Variants in KCND3 observed in about 807,000 individuals in gnomAD.
The protein encoded by KCND3 is potassium voltage-gated channel subfamily D member 3.
In KCND3, 9 loss-of-function variants were observed where a neutral mutation model predicts 51.1. That is an observed-to-expected ratio of 0.18 (90% CI 0.11 to 0.31). The LOEUF is 0.31. Ranked by LOEUF, KCND3 falls within the 10% of genes least tolerant of loss-of-function variation. The pLI is 1.00. For synonymous variants in KCND3, 349 were observed against 368.0 expected, an observed-to-expected ratio of 0.95 and a Z score of 0.59; for missense variants, 526 against 903.8, an observed-to-expected ratio of 0.58 and a Z score of 5.36.
chr1:111,893,145 T>G (rs1669926146), intron 2 of KCND3, among the ~76,000 whole-genome samples: 1 of 152,000 alleles, frequency 6.6e-6, no homozygotes. Context: ...AGTCCAGAAG[T>G]GGGAGATAGA....
At chr1:111,980,476 C>T (rs1674889152) in intron 2 of KCND3, among the ~76,000 whole-genome samples, 1 of 150,328 alleles carries the variant, frequency 6.7e-6, no homozygotes, top group Admixed American at 6.6e-5. Flanking sequence ...ACACTATTGC[C>T]TCTGGGTTTT....
chr1:111,868,368 G>A (rs1391780433), intron 2 of KCND3, among the ~76,000 whole-genome samples: 1 of 152,070 alleles, frequency 6.6e-6, no homozygotes, highest in Non-Finnish European at 1.5e-5. Context: ...CTCGTGTTTA[G>A]GTAACTCTTA....
chr1:111,823,466 G>T (rs1014350172), intron 2 of KCND3, among the ~76,000 whole-genome samples: 1 of 152,096 alleles, frequency 6.6e-6, no homozygotes, highest in Non-Finnish European at 1.5e-5. Context: ...CTCAGGGATT[G>T]AGTTCCTTTA....
chr1:111,977,064 C>T (rs901602840), intron 2 of KCND3, among the ~76,000 whole-genome samples: 2 of 152,190 alleles, frequency 1.3e-5, no homozygotes, highest in African/African-American at 4.8e-5. Flanking sequence ...GCTTTGAGGT[C>T]GTTTGTTCCC....
At chr1:111,953,231 G>A (rs1056337180) in intron 2 of KCND3, among the ~76,000 whole-genome samples, 20 of 152,236 alleles carry the variant, frequency 1.3e-4, no homozygotes, top group African/African-American at 2.9e-4. Flanking sequence ...CCACCCACCC[G>A]GTCCATCAAT....
In KCND3 at chr1:111,773,512, C is replaced by T. The variant is rs1267582490; in HGVS notation, c.*2565G>A. 1 of 147,272 alleles carries T rather than the reference C, an allele frequency of 6.8e-6. No homozygotes were observed. Among genetic ancestry groups the T allele is most frequent in the African/African-American group, 2.5e-5 (1 of 39,688 alleles). The allele number at this position is 147,272 out of a possible 1,614,324, so 9.1% of individuals were successfully genotyped here. A position where few individuals can be genotyped will look rare whatever the true frequency, so the allele number is the denominator to read the frequency against. ...TCACGGCTCACTGCAACCTCTGCCT[C>T]CTGGGTTTAAGCAATCCTCCCCCTC... is the stretch of plus-strand genomic sequence containing the variant. On this transcript the variant is annotated 3_prime_UTR_variant, in exon 8 of 8. Transcript: ENST00000302127.
At chr1:111,876,201 G>A (rs992012697) in intron 2 of KCND3, among the ~76,000 whole-genome samples, 1 of 152,198 alleles carries the variant, frequency 6.6e-6, no homozygotes, top group Non-Finnish European at 1.5e-5. Context: ...AACTTAGTCT[G>A]TGCATTTGGG....
At chr1:111,826,649 T>C (rs1666588566) in intron 2 of KCND3, among the ~76,000 whole-genome samples, 1 of 152,224 alleles carries the variant, frequency 6.6e-6, no homozygotes, top group South Asian at 2.1e-4. Flanking sequence ...AACGAGTTCA[T>C]GGTTTCTGAA....
At chr1:111,977,959 A>G (rs565950686) in intron 2 of KCND3, among the ~76,000 whole-genome samples, 1 of 152,284 alleles carries the variant, frequency 6.6e-6, no homozygotes, top group South Asian at 2.1e-4. Flanking sequence ...TTAAACCTCA[A>G]ATGGAGCATT....
intron 2 of KCND3, among the ~76,000 whole-genome samples, chr1:111,793,218 C>T (rs1390696022): frequency 6.6e-6 from 1 of 150,934 alleles, no homozygotes; most frequent in Non-Finnish European, 1.5e-5. Flanking sequence ...CTCTGTTTTC[C>T]AGGCTGGAGT....
intron 2 of KCND3, among the ~76,000 whole-genome samples, chr1:111,898,795 AG>A (rs1670248360): frequency 6.6e-6 from 1 of 152,120 alleles, no homozygotes; most frequent in Non-Finnish European, 1.5e-5. Context: ...CTAAGAGGGC[AG>A]GGGGCAGAGT....
chr1:111,821,927 C>G (rs867290131), intron 2 of KCND3, among the ~76,000 whole-genome samples: 39 of 152,198 alleles, frequency 2.6e-4, no homozygotes, highest in African/African-American at 8.9e-4. Context: ...CTACCCTGTC[C>G]CCCAGAACTG....
At position 111,914,663 on chromosome 1, in the gene KCND3, T is replaced by C. The variant is rs1317847748; in HGVS notation, c.1106+66958A>G. On this transcript the variant is annotated intron_variant, in intron 2 of 7. Coordinates refer to ENST00000302127, the MANE Select transcript of KCND3 (RefSeq NM_001378969.1). ...AAACCTGCCAACCCAGAATTCTACA[T>C]CAAGCAAAAATATCAATCAGAGATG... is the stretch of plus-strand genomic sequence containing the variant. Among the ~76,000 whole-genome samples, 3 of 152,242 alleles carry C rather than the reference T, an allele frequency of 2.0e-5. No homozygotes were observed. In the East Asian group the frequency reaches 5.8e-4, roughly 29 times the overall value.
rs375156601 is a variant in KCND3 at position 111,967,164 on chromosome 1, A to C, written c.1106+14457T>G. On this transcript the variant is annotated intron_variant, in intron 2 of 7. Transcript: ENST00000302127. Reference sequence around the variant, plus strand: ...TCAAAAAAAAAAAAACAAAAACAAAAAAAAAAACAAAACAAAAACGGGGTC... The same window carrying C: ...TCAAAAAAAAAAAAACAAAAACAAACAAAAAAACAAAACAAAAACGGGGTC... Among the ~76,000 whole-genome samples the C allele has an allele frequency of 7.1e-3, 1,071 of 151,480 alleles. 11 individuals carry two copies. Among genetic ancestry groups the C allele is most frequent in the African/African-American group, 0.024 (995 of 41,064 alleles).
chr1:111,914,992 C>A (rs945677947), intron 2 of KCND3, among the ~76,000 whole-genome samples: 1 of 151,766 alleles, frequency 6.6e-6, no homozygotes, highest in Non-Finnish European at 1.5e-5. Flanking sequence ...TCACAAAGGA[C>A]AAGAGGTACA....
rs1665974742 is a variant in KCND3 at position 111,814,064 on chromosome 1, A to G, written c.1107-26958T>C. ...GTTATGATGTGCTGGGCCCCAGGAA[A>G]GGTCTTCAGGTGCAAATATAAATAA... On this transcript the variant is annotated intron_variant, in intron 2 of 7. Transcript: ENST00000302127. Among the ~76,000 whole-genome samples the G allele has an allele frequency of 2.6e-5, 4 of 152,370 alleles. No homozygotes were observed. In the South Asian group the frequency reaches 8.3e-4, roughly 32 times the overall value.
chr1:111,827,559 T>C (rs1666632851), intron 2 of KCND3, among the ~76,000 whole-genome samples: 1 of 152,186 alleles, frequency 6.6e-6, no homozygotes, highest in Non-Finnish European at 1.5e-5. Context: ...AGCAGCTAAC[T>C]TATATTGAGC....
intron 6 of KCND3, 34 bp downstream of exon 6, chr1:111,778,402 G>A (rs1376089850): frequency 6.3e-7 from 1 of 1,590,610 alleles, no homozygotes; most frequent in Non-Finnish European, 8.6e-7. Flanking sequence ...TTATCAGAGA[G>A]AAAAACATCA....
At chr1:111,857,643 G>T (rs1411180200) in intron 2 of KCND3, among the ~76,000 whole-genome samples, 1 of 151,226 alleles carries the variant, frequency 6.6e-6, no homozygotes, top group East Asian at 2.0e-4. Flanking sequence ...CTCTGTTCCT[G>T]TTAGGGGTAC....
Sources: gnomAD v4.1 joint callset for allele counts (sites outside exome capture counted in the v4.1 genomes callset) on GRCh38, gnomAD v4.1.1 for gene constraint, MANE v1.5 for transcripts, NCBI Gene and HGNC (gene_info 2026-07-23, HGNC 2026-07-21) for gene names.